Variants in SHCBP1 observed in about 807,000 individuals in gnomAD.
SHCBP1 encodes the protein SHC SH2 domain-binding protein 1.
SHCBP1 carries 60 observed loss-of-function variants against 75.1 expected under a neutral mutation model. The ratio of observed to expected loss-of-function variants is 0.80; its 90% confidence interval spans 0.65 to 0.99. The LOEUF (loss-of-function observed/expected upper bound fraction) is 0.99, where lower values mean the gene tolerates loss of function less well. Ranked by LOEUF, SHCBP1 falls within the 50% of genes least tolerant of loss-of-function variation. The pLI is 0.00. For missense variants in SHCBP1, 709 were observed against 809.4 expected (o/e 0.88, Z 1.50); for synonymous variants, 290 against 293.2 (o/e 0.99, Z 0.11).
rs570891763 is a variant in SHCBP1 at position 46,598,969 on chromosome 16, G to C, written c.1345+862C>G. 2.0e-5 allele frequency among the ~76,000 whole-genome samples: 3 copies of C among 152,290 alleles called. No homozygotes were observed. The South Asian group carries it at 6.2e-4, about 32-fold the overall frequency. The stretch of plus-strand genomic sequence containing the variant: ...GCTAGTTTCAAACTCTTCTTCTACA[G>C]CTTCCTCACCTCCTTCAGTCTTCAC... On this transcript the variant is annotated intron_variant, in intron 9 of 12. Coordinates refer to ENST00000303383, the MANE Select transcript of SHCBP1 (RefSeq NM_024745.5).
At chr16:46,584,969 C>A (rs1165965316) in intron 10 of SHCBP1, among the ~76,000 whole-genome samples, 1 of 152,164 alleles carries the variant, frequency 6.6e-6, no homozygotes, top group African/African-American at 2.4e-5. Context: ...TAACCCTGTA[C>A]ATATGCCTGA....
In SHCBP1 at chr16:46,578,845, C is replaced by A. The variant is rs1405868670; in HGVS notation, c.*2884G>T. Among the ~76,000 whole-genome samples the A allele has an allele frequency of 2.0e-5, 3 of 152,130 alleles. No homozygotes were observed. The highest frequency in any genetic ancestry group is 4.4e-5 in the Non-Finnish European group (3 of 68,002). ...AAGGAATAAGAATAAAAACAGCAAA[C>A]TGAATTACAAAGAAACATGAACGAC... On this transcript the variant is annotated 3_prime_UTR_variant, in exon 13 of 13. Transcript: ENST00000303383.
At chr16:46,595,776 G>A in intron 9 of SHCBP1, 106 bp from the exon 10 acceptor site, 1 of 632,824 alleles carries the variant, frequency 1.6e-6, no homozygotes, top group East Asian at 3.0e-5. Flanking sequence ...TTTCTCAATG[G>A]CTATCATTTA....
At chr16:46,600,026 T>C (rs2142999990) in intron 8 of SHCBP1, 64 bp from the exon 9 acceptor site, 3 of 1,567,712 alleles carry the variant, frequency 1.9e-6, no homozygotes, top group Middle Eastern at 1.7e-4. Flanking sequence ...GTGAACACTG[T>C]AGAACAAGTT....
intron 4 of SHCBP1, among the ~76,000 whole-genome samples, chr16:46,612,674 T>C (rs1350468090): frequency 6.6e-6 from 1 of 152,210 alleles, no homozygotes; most frequent in Non-Finnish European, 1.5e-5. Flanking sequence ...AACCTCCATG[T>C]AACTTGTTAG....
intron 8 of SHCBP1, among the ~76,000 whole-genome samples, chr16:46,602,965 A>G (rs72816844): frequency 6.6e-6 from 1 of 152,338 alleles, no homozygotes; most frequent in Non-Finnish European, 1.5e-5. Flanking sequence ...TTTCAACATT[A>G]ATCTTTTCTA....
In SHCBP1 at chr16:46,584,083, C is replaced by T; in HGVS notation, c.1471G>A (p.Gly491Ser). 1 of 1,593,864 alleles carries T rather than the reference C, an allele frequency of 6.3e-7. No individual in the cohort carries two copies. Among genetic ancestry groups the T allele is most frequent in the Non-Finnish European group, 8.6e-7 (1 of 1,168,124 alleles). The change falls in exon 11 of 13, where the codon GGT (glycine) becomes AGT (serine). Residue 491 changes from glycine (G) to serine (S), a missense_variant. Gly to Ser is a moderately conservative substitution (Grantham distance 56). Coordinates refer to ENST00000303383, the MANE Select transcript of SHCBP1 (RefSeq NM_024745.5). The part of the protein sequence containing the change: ...NSDLYGAKGA[G>S]IEIYPGSQCT... Reference sequence around the variant, plus strand: ...TGACTCCCAGGGTAGATTTCTATACCAGCACCCTGTGAGTCACAGTTTGAG... The same window carrying T: ...TGACTCCCAGGGTAGATTTCTATACTAGCACCCTGTGAGTCACAGTTTGAG...
rs1567439128 is a variant in SHCBP1, at chr16:46,579,871, T to C, written c.*1858A>G. Among the ~76,000 whole-genome samples, 1 of 152,012 alleles carries C rather than the reference T, an allele frequency of 6.6e-6. No homozygotes were observed. The highest frequency in any genetic ancestry group is 1.5e-5 in the Non-Finnish European group (1 of 68,010). ...TGAACCCAGGAGACTGAGGTTGCAA[T>C]GAGCCGAGATCATGCCACTGCACTC... is the stretch of plus-strand genomic sequence containing the variant. On this transcript the variant is annotated 3_prime_UTR_variant, in exon 13 of 13. Transcript: ENST00000303383.
Position 46,603,551 on chromosome 16 carries a change from T to G in SHCBP1, c.1201A>C (p.Ile401Leu). 6.2e-7 allele frequency: 1 copy of G among 1,614,144 alleles called. No homozygotes were observed. The highest frequency in any genetic ancestry group is 1.6e-4 in the Middle Eastern group (1 of 6,062). ...CTTCCATACTCACCTTCCAACTCAATGGAGTCAGCAATGGAGAAAGTGCCA... is the reference window on the plus strand; with the variant it reads ...CTTCCATACTCACCTTCCAACTCAAGGGAGTCAGCAATGGAGAAAGTGCCA... ...VHGTFSIADS[I>L]ELEGYGLPDD... Residue 401 changes from isoleucine (I) to leucine (L), a missense_variant, in exon 8 of 13, where the codon ATT becomes CTT. Coordinates refer to ENST00000303383, the MANE Select transcript of SHCBP1 (RefSeq NM_024745.5).
Position 46,618,306 on chromosome 16 carries a change from T to C in SHCBP1, c.170A>G (p.Gln57Arg), listed in dbSNP as rs1965534884. Residue 57 changes from glutamine (Q) to arginine (R), a missense_variant, in exon 2 of 13, where the codon CAA becomes CGA. By Grantham distance (43) the Gln-to-Arg change is conservative. Transcript: ENST00000303383. ...SYRDKPGSSL[Q>R]SFMPEGKTFF... Reference sequence around the variant, plus strand: ...GGTTTTTCCTTCTGGCATAAAACTTTGTAAACTAGAACCTGGTTTATCACG... The same window carrying C: ...GGTTTTTCCTTCTGGCATAAAACTTCGTAAACTAGAACCTGGTTTATCACG... The C allele has an allele frequency of 6.2e-7, 1 of 1,613,866 alleles. No homozygotes were observed. Among genetic ancestry groups the C allele is most frequent in the Non-Finnish European group, 8.5e-7 (1 of 1,179,954 alleles).
intron 10 of SHCBP1, among the ~76,000 whole-genome samples, chr16:46,588,041 A>G (rs891598458): frequency 2.6e-5 from 4 of 152,250 alleles, no homozygotes; most frequent in Admixed American, 2.6e-4. Flanking sequence ...CACTACATGG[A>G]CACTGAACAA....
intron 1 of SHCBP1, among the ~76,000 whole-genome samples, chr16:46,618,960 G>C (rs1219049083): frequency 6.6e-6 from 1 of 152,120 alleles, no homozygotes; most frequent in Admixed American, 6.5e-5. Flanking sequence ...TTTAAGAAAG[G>C]GAGCTGACTT....
rs1469704607 is a variant in SHCBP1, at chr16:46,603,534, C to G, written c.1213+5G>C. The G allele has an allele frequency of 1.2e-6, 2 of 1,614,086 alleles. No individual in the cohort carries two copies. The highest frequency in any genetic ancestry group is 2.2e-5 in the East Asian group (1 of 44,874). ...AGAGTTTGGTTGTGTGTCTTCCATA[C>G]TCACCTTCCAACTCAATGGAGTCAG... On this transcript the variant is annotated splice_donor_5th_base_variant and intron_variant, in intron 8 of 12. Transcript: ENST00000303383.
At chr16:46,601,879 C>G (rs1329570271) in intron 8 of SHCBP1, among the ~76,000 whole-genome samples, 2 of 152,080 alleles carry the variant, frequency 1.3e-5, no homozygotes, top group Admixed American at 1.3e-4. Context: ...GAAAGAAAAA[C>G]CCTATTGTAA....
chr16:46,589,998 C>G (rs1218017107), intron 10 of SHCBP1, among the ~76,000 whole-genome samples: 2 of 151,992 alleles, frequency 1.3e-5, no homozygotes, highest in Non-Finnish European at 2.9e-5. Context: ...CAGAACAGAG[C>G]CCTCAGAAAT....
intron 9 of SHCBP1, among the ~76,000 whole-genome samples, chr16:46,598,284 C>G (rs1965174916): frequency 6.6e-6 from 1 of 152,104 alleles, no homozygotes; most frequent in East Asian, 1.9e-4. Context: ...GCTGGTATAG[C>G]CTTAGGAAGT....
chr16:46,583,925 C>A, intron 11 of SHCBP1, 78 bp downstream of exon 11: 1 of 1,301,606 alleles, frequency 7.7e-7, no homozygotes, highest in Admixed American at 2.2e-5. Context: ...AAAATAGAAC[C>A]CAACAATTTA....
chr16:46,579,823 G>T lies in SHCBP1; in HGVS notation c.*1906C>A, dbSNP rs778101389. 1.3e-5 allele frequency among the ~76,000 whole-genome samples: 2 copies of T among 152,148 alleles called. No homozygotes were observed. The highest frequency in any genetic ancestry group is 2.9e-5 in the Non-Finnish European group (2 of 68,020). ...GGTGGCTGTCATACCAGCTACTTGG[G>T]AGGCTGAGGCATGAGAATCACTTGA... On this transcript the variant is annotated 3_prime_UTR_variant, in exon 13 of 13. Transcript: ENST00000303383.
chr16:46,583,823 T>A (rs1486540870), intron 11 of SHCBP1, among the ~76,000 whole-genome samples, 166 bp from the exon 12 acceptor site: 1 of 152,246 alleles, frequency 6.6e-6, no homozygotes. Flanking sequence ...CTCTGTCATT[T>A]CTGCAGATCT....
Sources: allele counts gnomAD v4.1 joint callset (sites outside exome capture counted in the v4.1 genomes callset), GRCh38; gene constraint gnomAD v4.1.1; transcripts MANE v1.5; gene names NCBI Gene and HGNC (gene_info 2026-07-23, HGNC 2026-07-21).